Variants in SAMTOR observed in about 807,000 individuals in gnomAD.
SAMTOR encodes UPF0532 protein C7orf60.
At chr7:112,917,072 G>C in the SAMTOR span, among the ~76,000 whole-genome samples, 1 of 152,348 alleles carries the variant, frequency 6.6e-6, no homozygotes, top group Admixed American at 6.5e-5. Context: ...AAATGTCCCT[G>C]TCTGACGGCT....
the SAMTOR span, among the ~76,000 whole-genome samples, chr7:112,840,397 A>G: frequency 5.9e-5 from 9 of 151,754 alleles, no homozygotes; most frequent in Non-Finnish European, 1.0e-4. Flanking sequence ...ATCTGTTTAG[A>G]CTTTCCATTT....
chr7:112,871,874 C>T, the SAMTOR span, among the ~76,000 whole-genome samples: 1 of 152,172 alleles, frequency 6.6e-6, no homozygotes, highest in African/African-American at 2.4e-5. Context: ...ACGAACACCT[C>T]TATGCTCACA....
At chr7:112,885,259 T>A in the SAMTOR span, among the ~76,000 whole-genome samples, 17 of 152,260 alleles carry the variant, frequency 1.1e-4, no homozygotes, top group South Asian at 3.5e-3. Flanking sequence ...ATCTCTGATG[T>A]GCCCTGGAGG....
chr7:112,901,160 AG>A, the SAMTOR span, among the ~76,000 whole-genome samples: 3 of 152,234 alleles, frequency 2.0e-5, no homozygotes, highest in Non-Finnish European at 4.4e-5. Flanking sequence ...CCCAACCCCC[AG>A]TACTGGTCCG....
chr7:112,895,715 A>C, the SAMTOR span: 1 of 1,562,372 alleles, frequency 6.4e-7, no homozygotes, highest in Non-Finnish European at 8.7e-7. Flanking sequence ...TCTTCCCACC[A>C]TTTTGGAAAT....
the SAMTOR span, among the ~76,000 whole-genome samples, chr7:112,833,815 G>A: frequency 6.6e-6 from 1 of 151,958 alleles, no homozygotes; most frequent in South Asian, 2.1e-4. Context: ...ATTTGGCTTC[G>A]CTCCTTAATT....
the SAMTOR span, among the ~76,000 whole-genome samples, chr7:112,888,992 T>A: frequency 1.3e-5 from 2 of 152,190 alleles, no homozygotes; most frequent in Admixed American, 6.5e-5. Flanking sequence ...GATGAAATAT[T>A]ATGCAAAACA....
chr7:112,910,120 TC>T, the SAMTOR span, among the ~76,000 whole-genome samples: 2 of 151,854 alleles, frequency 1.3e-5, no homozygotes, highest in African/African-American at 2.4e-5. Context: ...TTGACTGGGC[TC>T]CTGCTGCCTA....
the SAMTOR span, among the ~76,000 whole-genome samples, chr7:112,914,275 A>G: frequency 0.34 from 31,641 of 91,824 alleles, 4,010 homozygotes; most frequent in Middle Eastern, 0.53. Flanking sequence ...TTTAGCCTCT[A>G]GTTTTTTTTT....
chr7:112,877,145 A>T, the SAMTOR span, among the ~76,000 whole-genome samples: 1 of 152,212 alleles, frequency 6.6e-6, no homozygotes, highest in Admixed American at 6.5e-5. Flanking sequence ...CTATGTTAAC[A>T]GCACATGCTT....
the SAMTOR span, among the ~76,000 whole-genome samples, chr7:112,862,348 T>C: frequency 4.6e-5 from 7 of 152,178 alleles, no homozygotes; most frequent in Admixed American, 4.6e-4. Context: ...GTTTCAAACC[T>C]CAATGTTGTC....
chr7:112,919,230 G>T, the SAMTOR span, among the ~76,000 whole-genome samples: 1 of 152,120 alleles, frequency 6.6e-6, no homozygotes, highest in South Asian at 2.1e-4. Flanking sequence ...TAAAAGAACA[G>T]AAATTACAAC....
chr7:112,820,958 A>G, the SAMTOR span: 1 of 152,462 alleles, frequency 6.6e-6, no homozygotes, highest in Non-Finnish European at 1.5e-5. Context: ...TAAATAAAAC[A>G]TTTTGTAAAT....
the SAMTOR span, among the ~76,000 whole-genome samples, chr7:112,878,920 T>C: frequency 1.3e-5 from 2 of 151,886 alleles, no homozygotes; most frequent in African/African-American, 2.4e-5. Context: ...AGAGATGAGA[T>C]AGAGGTAGAC....
At chr7:112,925,356 T>A in the SAMTOR span, among the ~76,000 whole-genome samples, 2 of 152,216 alleles carry the variant, frequency 1.3e-5, no homozygotes, top group African/African-American at 2.4e-5. Context: ...AATCTATACA[T>A]TATAAGTAAA....
chr7:112,837,541 T>A, the SAMTOR span, among the ~76,000 whole-genome samples: 1 of 152,018 alleles, frequency 6.6e-6, no homozygotes, highest in African/African-American at 2.4e-5. Flanking sequence ...ATTCTATATA[T>A]TTGTGCAGAT....
chr7:112,933,360 T>C, the SAMTOR span, among the ~76,000 whole-genome samples: 1 of 152,206 alleles, frequency 6.6e-6, no homozygotes, highest in East Asian at 1.9e-4. Context: ...ACTATAGAAA[T>C]GGCTACCAAA....
chr7:112,884,727 G>A, the SAMTOR span, among the ~76,000 whole-genome samples: 1 of 152,186 alleles, frequency 6.6e-6, no homozygotes, highest in Non-Finnish European at 1.5e-5. Context: ...TTGAGTGTCT[G>A]TGGCTTTTCC....
At chr7:112,886,355 A>G in the SAMTOR span, among the ~76,000 whole-genome samples, 1 of 152,238 alleles carries the variant, frequency 6.6e-6, no homozygotes, top group African/African-American at 2.4e-5. Flanking sequence ...GCTAGAGATA[A>G]TGGAATTAGT....
Sources: gnomAD v4.1 joint callset for allele counts (sites outside exome capture counted in the v4.1 genomes callset) on GRCh38, gnomAD v4.1.1 for gene constraint, MANE v1.5 for transcripts, NCBI Gene and HGNC (gene_info 2026-07-23, HGNC 2026-07-21) for gene names.